CDCA2: variants seen among roughly 807,000 people sequenced by gnomAD.
The protein encoded by CDCA2 is cell division cycle-associated protein 2.
CDCA2 carries 44 observed loss-of-function variants against 67.0 expected under a neutral mutation model. The ratio of observed to expected loss-of-function variants is 0.66; its 90% CI spans 0.52 to 0.84. The LOEUF (loss-of-function observed/expected upper bound fraction) is 0.84. Among genes scored for constraint, CDCA2 ranks in the 40% least tolerant of loss-of-function variants. CDCA2 has a pLI of 0.00. For synonymous variants in CDCA2, 447 were observed against 418.7 expected (o/e 1.07, Z -0.82); for missense variants, 1,253 against 1,203.2 (o/e 1.04, Z -0.61).
chr8:25,466,558 A>G (rs1802910171), intron 5 of CDCA2, among the ~76,000 whole-genome samples: 2 of 152,218 alleles, frequency 1.3e-5, no homozygotes, highest in Non-Finnish European at 2.9e-5. Context: ...CATGGTTGCA[A>G]TTAAATTTTA....
At chr8:25,505,311 C>T (rs930992733) in intron 14 of CDCA2, among the ~76,000 whole-genome samples, 2 of 152,202 alleles carry the variant, frequency 1.3e-5, no homozygotes, top group African/African-American at 4.8e-5. Flanking sequence ...CAGCAATTCT[C>T]CTGCTTCAGC....
chr8:25,462,246 A>C, intron 4 of CDCA2, 38 bp downstream of exon 4: 2 of 1,602,170 alleles, frequency 1.2e-6, no homozygotes, highest in Non-Finnish European at 8.5e-7. Flanking sequence ...GAATTCCGTT[A>C]ATGAAGCTTT....
intron 5 of CDCA2, among the ~76,000 whole-genome samples, chr8:25,466,989 C>G (rs1185133109): frequency 2.1e-5 from 3 of 140,220 alleles, no homozygotes; most frequent in Non-Finnish European, 4.5e-5. Flanking sequence ...TTGCAGTGAT[C>G]CCAGATCGTG....
At position 25,498,301 on chromosome 8, in the gene CDCA2, C is replaced by T. The variant is rs1469163490; in HGVS notation, c.1672-5072C>T. Among the ~76,000 whole-genome samples, 5 of 151,964 alleles carry T rather than the reference C, an allele frequency of 3.3e-5. 1 individual carries two copies. The South Asian group carries it at 6.2e-4, about 19-fold the overall frequency. On this transcript the variant is annotated intron_variant, in intron 13 of 14. Coordinates refer to ENST00000330560, the MANE Select transcript of CDCA2 (RefSeq NM_152562.4). ...CGGCTCACTGCAACCTCCTCCTCCCCGGTTCAAGTGATTCTCCTGCCTCAG... is the reference window on the plus strand; with the variant it reads ...CGGCTCACTGCAACCTCCTCCTCCCTGGTTCAAGTGATTCTCCTGCCTCAG...
intron 13 of CDCA2, among the ~76,000 whole-genome samples, chr8:25,496,370 T>TC (rs1804223705): frequency 6.6e-6 from 1 of 152,284 alleles, no homozygotes; most frequent in Non-Finnish European, 1.5e-5. Flanking sequence ...CTATTTCAGG[T>TC]AAACAAATAG....
intron 14 of CDCA2, among the ~76,000 whole-genome samples, chr8:25,505,749 G>A (rs981661700): frequency 2.0e-5 from 3 of 151,830 alleles, no homozygotes; most frequent in Non-Finnish European, 2.9e-5. Flanking sequence ...TATCATCTGA[G>A]GTATCAAAAA....
chr8:25,485,501 C>T (rs1036179066), intron 10 of CDCA2, among the ~76,000 whole-genome samples: 9 of 152,034 alleles, frequency 5.9e-5, no homozygotes, highest in South Asian at 2.1e-4. Context: ...TGTGTACTTT[C>T]GCTTATAAAT....
At chr8:25,466,117 A>G (rs551490693) in intron 4 of CDCA2, 58 bp from the exon 5 acceptor site, 2 of 1,500,860 alleles carry the variant, frequency 1.3e-6, no homozygotes, top group African/African-American at 1.4e-5. Context: ...CTGTAGGCCT[A>G]GAATATAGAA....
In CDCA2 at chr8:25,460,405, G is replaced by A. The variant is rs1802635982; in HGVS notation, c.83G>A (p.Gly28Glu). The A allele has an allele frequency of 1.2e-6, 2 of 1,613,982 alleles. No individual in the cohort carries two copies. Among genetic ancestry groups the A allele is most frequent in the Non-Finnish European group, 1.7e-6 (2 of 1,180,030 alleles). Residue 28 changes from glycine to glutamate, a missense_variant, in exon 3 of 15, where the codon GGA (glycine) becomes GAA (glutamate). Coordinates refer to ENST00000330560, the MANE Select transcript of CDCA2 (RefSeq NM_152562.4). ...NNAGNASFIL[G>E]TGKIVTPQKH... ...TCAGGAAATGCCTCTTTCATTTTGGGAACTGGGAAGATTGTGACTCCTCAG... is the reference window on the plus strand; with the variant it reads ...TCAGGAAATGCCTCTTTCATTTTGGAAACTGGGAAGATTGTGACTCCTCAG...
intron 13 of CDCA2, 25 bp downstream of exon 13, chr8:25,488,714 T>A: frequency 6.4e-7 from 1 of 1,561,472 alleles, no homozygotes; most frequent in Non-Finnish European, 8.6e-7. Flanking sequence ...AAAGATATAA[T>A]AAAGAGTAGA....
chr8:25,490,429 A>G (rs537716567), intron 13 of CDCA2, among the ~76,000 whole-genome samples: 116 of 151,896 alleles, frequency 7.6e-4, no homozygotes, highest in African/African-American at 2.2e-3. Context: ...ACAGCCTTCA[A>G]TGAATTTCTA....
At chr8:25,481,520 C>A (rs1322549358) in intron 8 of CDCA2, among the ~76,000 whole-genome samples, 1 of 152,030 alleles carries the variant, frequency 6.6e-6, no homozygotes, top group African/African-American at 2.4e-5. Flanking sequence ...GAAACCCCAT[C>A]TCTACTAAAA....
At chr8:25,474,295 AGGAAGTATTT>A (rs1803266199) in intron 7 of CDCA2, among the ~76,000 whole-genome samples, 1 of 152,196 alleles carries the variant, frequency 6.6e-6, no homozygotes. Context: ...TAAAATGACA[AGGAAGTATTT>A]GGAAGTATTT....
chr8:25,466,107 C>A, intron 4 of CDCA2, 68 bp from the exon 5 acceptor site: 1 of 1,444,198 alleles, frequency 6.9e-7, no homozygotes, highest in Non-Finnish European at 9.4e-7. Context: ...GATTCAATGG[C>A]TGTAGGCCTA....
chr8:25,499,366 C>T (rs1025303077), intron 13 of CDCA2, among the ~76,000 whole-genome samples: 4 of 137,328 alleles, frequency 2.9e-5, no homozygotes, highest in African/African-American at 8.4e-5. Context: ...TGCAGTGGCT[C>T]GATCTCAGCT....
intron 11 of CDCA2, among the ~76,000 whole-genome samples, chr8:25,486,791 G>A (rs1803795451): frequency 6.6e-6 from 1 of 152,006 alleles, no homozygotes; most frequent in Non-Finnish European, 1.5e-5. Context: ...CTCCAGCCTG[G>A]GTGACAGAGT....
intron 10 of CDCA2, among the ~76,000 whole-genome samples, chr8:25,484,814 T>TA (rs1309701892): frequency 1.3e-5 from 2 of 152,116 alleles, no homozygotes; most frequent in Admixed American, 6.6e-5. Context: ...TTGAGCAAGT[T>TA]AAAATACTAA....
rs554306951 is a variant in CDCA2, at chr8:25,498,302, G to A, written c.1672-5071G>A. Among the ~76,000 whole-genome samples the A allele has an allele frequency of 3.3e-4, 50 of 152,014 alleles. 1 individual carries two copies. Among genetic ancestry groups the A allele is most frequent in the Admixed American group, 2.6e-4 (4 of 15,264 alleles). On this transcript the variant is annotated intron_variant, in intron 13 of 14. Transcript: ENST00000330560. ...GGCTCACTGCAACCTCCTCCTCCCC[G>A]GTTCAAGTGATTCTCCTGCCTCAGC...
chr8:25,481,515 C>G (rs1803570473), intron 8 of CDCA2, among the ~76,000 whole-genome samples: 1 of 151,924 alleles, frequency 6.6e-6, no homozygotes, highest in Non-Finnish European at 1.5e-5. Context: ...ACAGTGAAAC[C>G]CCATCTCTAC....
Sources: gnomAD v4.1 joint callset for allele counts (sites outside exome capture counted in the v4.1 genomes callset) on GRCh38, gnomAD v4.1.1 for gene constraint, MANE v1.5 for transcripts, NCBI Gene and HGNC (gene_info 2026-07-23, HGNC 2026-07-21) for gene names.